Variants in SPATA21 observed in about 807,000 individuals in gnomAD.
The protein encoded by SPATA21 is spermatogenesis-associated protein 21.
Under a neutral mutation model 54.8 loss-of-function variants are expected in SPATA21, and 47 were observed. The ratio of observed to expected loss-of-function variants is 0.86; its 90% CI spans 0.68 to 1.09. SPATA21 has a LOEUF of 1.09. SPATA21 is among the 50% of genes least tolerant of loss of function. SPATA21 has a pLI of 0.00. For missense variants in SPATA21, 599 were observed against 596.4 expected, an observed-to-expected ratio of 1.00 and a Z score of -0.05; for synonymous variants, 245 against 235.3, an observed-to-expected ratio of 1.04 and a Z score of -0.38.
rs113060915 is a variant in SPATA21 at position 16,419,673 on chromosome 1, C to T, written c.144+1836G>A. ...CAAGGTCTATGGCTGGGCATGGTGG[C>T]TCACGCCTGTGATCCCAGCAGTTTG... On this transcript the variant is annotated intron_variant, in intron 5 of 12. Transcript: ENST00000335496. Among the ~76,000 whole-genome samples, 1,086 of 152,324 alleles carry T rather than the reference C, an allele frequency of 7.1e-3. 8 individuals carry two copies. The highest frequency in any genetic ancestry group is 0.025 in the African/African-American group (1,035 of 41,564).
intron 5 of SPATA21, among the ~76,000 whole-genome samples, chr1:16,412,814 A>G (rs893675853): frequency 1.3e-5 from 2 of 149,608 alleles, no homozygotes; most frequent in African/African-American, 5.0e-5. Context: ...TTTTTTAGAT[A>G]AAGTCTTGCT....
At chr1:16,401,758 C>G (rs918013690) in intron 10 of SPATA21, among the ~76,000 whole-genome samples, 3 of 152,152 alleles carry the variant, frequency 2.0e-5, no homozygotes, top group African/African-American at 7.2e-5. Flanking sequence ...GCTAGGCTCC[C>G]GCTGGAGGCC....
rs757621384 is a variant in SPATA21, at chr1:16,421,989, A to T, written c.35-18T>A. On this transcript the variant is annotated intron_variant, in intron 3 of 12. Coordinates refer to ENST00000335496, the MANE Select transcript of SPATA21 (RefSeq NM_198546.1). This position sits in a 1 kb window ranked among gnomAD's most constrained non-coding sequence, Gnocchi z 5.2. The stretch of plus-strand genomic sequence containing the variant: ...CTTTTCCTCTGGAGCCACGACGGAC[A>T]TTGGGGGCATTGCTTCCTGAGAGCT... 1 of 1,614,182 alleles carries T rather than the reference A, an allele frequency of 6.2e-7. No homozygotes were observed.
chr1:16,436,623 G>T (rs1332191466), intron 1 of SPATA21, among the ~76,000 whole-genome samples: 1 of 151,726 alleles, frequency 6.6e-6, no homozygotes, highest in Admixed American at 6.6e-5. Flanking sequence ...AAAATTAGCT[G>T]GGCATGGTGG....
In SPATA21 at chr1:16,399,660, T is replaced by G. The variant is rs563508963; in HGVS notation, c.1175-139A>C. 1,160 of 968,688 alleles carry G rather than the reference T, an allele frequency of 1.2e-3. 4 individuals are homozygous for G. The Middle Eastern group carries it at 0.013, about 11-fold the overall frequency. 60.0% of individuals were successfully genotyped at this position (968,688 alleles called of 1,614,324 possible). A position where few individuals can be genotyped will look rare whatever the true frequency, so the allele number is the denominator to read the frequency against. ...GCAAGTCACTTAACCTCTCTAAGCT[T>G]CTGAGCTGGAGGTGATAGTGGTACC... On this transcript the variant is annotated intron_variant, in intron 11 of 12. Transcript: ENST00000335496.
intron 5 of SPATA21, among the ~76,000 whole-genome samples, chr1:16,420,383 G>A (rs1018423129): frequency 6.6e-5 from 10 of 151,978 alleles, no homozygotes; most frequent in Admixed American, 1.3e-4. Flanking sequence ...TTGACGCCAG[G>A]TATGTTTGTA....
Position 16,399,514 on chromosome 1 carries a change from G to A in SPATA21, c.1182C>T (p.Asn394=). ...SRLKQQNYAP[N]LQSPYAQVPC... ...GCACCTGGGCATAGGGGCTCTGCAG[G>A]TTGGGAGCTGGTGAAGAAGGAGGCA... The change falls in exon 12 of 13, where the codon AAC becomes AAT. Residue 394 remains asparagine (N), a synonymous_variant. Transcript: ENST00000335496. The A allele has an allele frequency of 6.2e-7, 1 of 1,612,848 alleles. No homozygotes were observed. The highest frequency in any genetic ancestry group is 8.5e-7 in the Non-Finnish European group (1 of 1,179,520).
Position 16,409,664 on chromosome 1 carries a change from C to G in SPATA21, c.524G>C (p.Gly175Ala). 1 of 1,613,404 alleles carries G rather than the reference C, an allele frequency of 6.2e-7. No individual in the cohort carries two copies. Among genetic ancestry groups the G allele is most frequent in the Non-Finnish European group, 8.5e-7 (1 of 1,179,994 alleles). ...GTGCAAGAGTTCCATCCTTCTCCAG[C>G]CCAGGTCCAGGGCAGGGCCCAGCAG... is the stretch of plus-strand genomic sequence containing the variant. ...PVLLGPALDL[G>A]WRRMELLHQS... is the part of the protein sequence containing the mutation. Residue 175 changes from glycine (G) to alanine (A), a missense_variant, in exon 6 of 13, where the codon GGC (glycine) becomes GCC (alanine). By Grantham distance (60) the Gly-to-Ala change is moderately conservative (BLOSUM62 0). Transcript: ENST00000335496. The surrounding 1 kb of genome is among the most constrained non-coding windows in gnomAD (Gnocchi z 4.1).
rs767110887 is a variant in SPATA21 at position 16,404,958 on chromosome 1, G to A, written c.811+9C>T. ...CCTGGGATGCAGAGTGGAGCCCTCTGCCACTCACCATTGACATCAGCACTC... is the reference window on the plus strand; with the variant it reads ...CCTGGGATGCAGAGTGGAGCCCTCTACCACTCACCATTGACATCAGCACTC... On this transcript the variant is annotated intron_variant, in intron 8 of 12. Transcript: ENST00000335496. 21 of 1,562,472 alleles carry A rather than the reference G, an allele frequency of 1.3e-5. No homozygotes were observed. Among genetic ancestry groups the A allele is most frequent in the Non-Finnish European group, 1.5e-5 (17 of 1,159,996 alleles).
chr1:16,423,653 C>T (rs570363832), intron 3 of SPATA21, among the ~76,000 whole-genome samples: 8 of 147,694 alleles, frequency 5.4e-5, no homozygotes, highest in African/African-American at 2.0e-4. Flanking sequence ...AAGTGATTCT[C>T]CTGCCTCAGC....
chr1:16,418,303 G>A (rs368014509), intron 5 of SPATA21, among the ~76,000 whole-genome samples: 7 of 151,652 alleles, frequency 4.6e-5, no homozygotes, highest in African/African-American at 1.7e-4. Context: ...ATGGAGTCTC[G>A]CTCTGTCGCC....
chr1:16,421,792 G>T lies in SPATA21; in HGVS notation c.95+119C>A. On this transcript the variant is annotated intron_variant, in intron 4 of 12. Transcript: ENST00000335496. The surrounding 1 kb of genome is among the most constrained non-coding windows in gnomAD (Gnocchi z 5.2). ...GGGAAATTGAGACCCAGCGGAGCAT[G>T]ACTTGCCCAAGGTCCTCTACCAGGT... 1 of 1,474,002 alleles carries T rather than the reference G, an allele frequency of 6.8e-7. No individual in the cohort carries two copies. The highest frequency in any genetic ancestry group is 1.2e-5 in the South Asian group (1 of 84,476). 91.3% of individuals were successfully genotyped at this position (1,474,002 alleles called of 1,614,324 possible). A position where few individuals can be genotyped will look rare whatever the true frequency, so the allele number is the denominator to read the frequency against.
chr1:16,421,630 G>T lies in SPATA21; in HGVS notation c.96-73C>A. On this transcript the variant is annotated intron_variant, in intron 4 of 12. Coordinates refer to ENST00000335496, the MANE Select transcript of SPATA21 (RefSeq NM_198546.1). The surrounding 1 kb of genome is among the most constrained non-coding windows in gnomAD (Gnocchi z 5.2). ...TTTGCCCCCCTGCCCTCCCCTCTCA[G>T]CCCCCAGGACACTCAGTTCCACCCC... 1 of 1,473,022 alleles carries T rather than the reference G, an allele frequency of 6.8e-7. No individual in the cohort carries two copies. Among genetic ancestry groups the T allele is most frequent in the Non-Finnish European group, 9.3e-7 (1 of 1,079,158 alleles). The allele number at this position is 1,473,022 out of a possible 1,614,324, so 91.2% of individuals were successfully genotyped here.
Position 16,400,764 on chromosome 1 carries a change from C to T in SPATA21, c.1130G>A (p.Arg377Gln), listed in dbSNP as rs762191918. ...CCGGCTCAGGATACTGAGGACCTTTCGTTCTGGAACTTCTGAGCTCTCTTC... is the reference window on the plus strand; with the variant it reads ...CCGGCTCAGGATACTGAGGACCTTTTGTTCTGGAACTTCTGAGCTCTCTTC... ...QQEESSEVPE[R>Q]KVLSILSRLK... Residue 377 changes from arginine (R) to glutamine (Q), a missense_variant, in exon 11 of 13, where the codon CGA becomes CAA. Physicochemically the swap from Arg to Gln is conservative, Grantham distance 43 (BLOSUM62 1). Coordinates refer to ENST00000335496, the MANE Select transcript of SPATA21 (RefSeq NM_198546.1). The T allele has an allele frequency of 1.9e-5, 31 of 1,612,334 alleles. No individual in the cohort carries two copies. The highest frequency in any genetic ancestry group is 1.2e-4 in the Admixed American group (7 of 59,962).
chr1:16,436,927 T>C (rs2086601313), intron 1 of SPATA21, among the ~76,000 whole-genome samples: 1 of 152,234 alleles, frequency 6.6e-6, no homozygotes, highest in Non-Finnish European at 1.5e-5. Context: ...TCCAACTTTG[T>C]TCTTTTTCAA....
At chr1:16,430,969 G>C (rs1335595294) in intron 3 of SPATA21, among the ~76,000 whole-genome samples, 2 of 152,220 alleles carry the variant, frequency 1.3e-5, no homozygotes, top group African/African-American at 2.4e-5. Flanking sequence ...CTTGCAGGGA[G>C]AGCTTGCCTG....
At chr1:16,413,336 T>C (rs1222619519) in intron 5 of SPATA21, among the ~76,000 whole-genome samples, 2 of 152,220 alleles carry the variant, frequency 1.3e-5, no homozygotes, top group South Asian at 2.1e-4. Flanking sequence ...TGTGGCAGCA[T>C]GTGTCAGAAT....
At chr1:16,416,523 C>T (rs941656492) in intron 5 of SPATA21, among the ~76,000 whole-genome samples, 4 of 152,014 alleles carry the variant, frequency 2.6e-5, no homozygotes, top group African/African-American at 9.7e-5. Flanking sequence ...ATTAAAAATA[C>T]AAAAATTAGC....
At chr1:16,431,218 C>T (rs2086448860) in intron 3 of SPATA21, 120 bp downstream of exon 3, 2 of 1,588,528 alleles carry the variant, frequency 1.3e-6, no homozygotes, top group Admixed American at 3.6e-5. Flanking sequence ...GTGAATGGAT[C>T]AGAACATGGG....
Sources: gnomAD v4.1 joint callset for allele counts (sites outside exome capture counted in the v4.1 genomes callset) on GRCh38, gnomAD v4.1.1 for gene constraint, Gnocchi (gnomAD v3.1) non-coding constraint, MANE v1.5 for transcripts, NCBI Gene and HGNC (gene_info 2026-07-23, HGNC 2026-07-21) for gene names.